DIRAS2: variants seen among roughly 807,000 people sequenced by gnomAD.
DIRAS2 encodes DIRAS family GTPase 2.
DIRAS2 carries 5 observed loss-of-function variants against 13.9 expected under a neutral mutation model. The ratio of observed to expected loss-of-function variants is 0.36; its 90% CI spans 0.19 to 0.76. The LOEUF is 0.76. Among genes scored for constraint, DIRAS2 ranks in the 30% least tolerant of loss-of-function variants. DIRAS2 has a pLI of 0.53. For synonymous variants in DIRAS2, 111 were observed against 105.4 expected (o/e 1.05, Z -0.33); for missense variants, 191 against 263.0 (o/e 0.73, Z 1.89).
chr9:90,610,282 T>C lies in DIRAS2; in HGVS notation c.*2946A>G, dbSNP rs1825098175. On this transcript the variant is annotated 3_prime_UTR_variant, in exon 2 of 2. Transcript: ENST00000375765. ...TGAAACAAATATACTAGCTTACAGA[T>C]ATGTACAATTTATGACTTTATACTT... The C allele has an allele frequency of 5.0e-6, 2 of 396,598 alleles. No individual in the cohort carries two copies. The highest frequency in any genetic ancestry group is 4.4e-5 in the Admixed American group (1 of 22,698). The allele number at this position is 396,598 out of a possible 1,614,324, so 24.6% of individuals were successfully genotyped here.
chr9:90,637,776 G>A (rs1825384106), intron 1 of DIRAS2, among the ~76,000 whole-genome samples: 1 of 152,180 alleles, frequency 6.6e-6, no homozygotes. Flanking sequence ...CTCTCCGGCT[G>A]TGCTTGAAAG....
chr9:90,620,541 G>A (rs1825210391), intron 1 of DIRAS2, among the ~76,000 whole-genome samples: 1 of 152,134 alleles, frequency 6.6e-6, no homozygotes, highest in South Asian at 2.1e-4. Flanking sequence ...TGGATCACTT[G>A]AGACCAGCAG....
At chr9:90,635,694 G>A (rs1021106594) in intron 1 of DIRAS2, among the ~76,000 whole-genome samples, 9 of 152,274 alleles carry the variant, frequency 5.9e-5, no homozygotes, top group African/African-American at 2.2e-4. Context: ...AGCCTGATCA[G>A]AGAAGGCCCA....
intron 1 of DIRAS2, among the ~76,000 whole-genome samples, chr9:90,621,004 T>C (rs1825214858): frequency 6.6e-6 from 1 of 152,216 alleles, no homozygotes; most frequent in South Asian, 2.1e-4. Context: ...AGGATACATT[T>C]TCAGATCCCA....
At chr9:90,636,024 A>ATT (rs1313587233) in intron 1 of DIRAS2, among the ~76,000 whole-genome samples, 5 of 89,508 alleles carry the variant, frequency 5.6e-5, no homozygotes, top group South Asian at 4.1e-4. Context: ...ACAACTGAAT[A>ATT]TTCTTTTTTT....
At chr9:90,639,416 A>C (rs949037227) in intron 1 of DIRAS2, among the ~76,000 whole-genome samples, 1 of 152,240 alleles carries the variant, frequency 6.6e-6, no homozygotes, top group Non-Finnish European at 1.5e-5. Flanking sequence ...AATATATTTT[A>C]TTGCATAGTA....
intron 1 of DIRAS2, among the ~76,000 whole-genome samples, chr9:90,628,948 G>A (rs1421678216): frequency 3.3e-5 from 5 of 151,972 alleles, no homozygotes; most frequent in Non-Finnish European, 7.4e-5. Context: ...TCCGCCTCCC[G>A]GGTTCACGCC....
chr9:90,610,254 C>T lies in DIRAS2; in HGVS notation c.*2974G>A, dbSNP rs1473147725. 1 of 393,528 alleles carries T rather than the reference C, an allele frequency of 2.5e-6. No individual in the cohort carries two copies. Among genetic ancestry groups the T allele is most frequent in the African/African-American group, 2.1e-5 (1 of 48,526 alleles). 24.4% of individuals were successfully genotyped at this position (393,528 alleles called of 1,614,324 possible). The stretch of plus-strand genomic sequence containing the variant: ...ATGAGCATTTCTTAAATATTACAAA[C>T]AGTGAAACAAATATACTAGCTTACA... On this transcript the variant is annotated 3_prime_UTR_variant, in exon 2 of 2. Coordinates refer to ENST00000375765, the MANE Select transcript of DIRAS2 (RefSeq NM_017594.5).
intron 1 of DIRAS2, among the ~76,000 whole-genome samples, chr9:90,628,321 C>G (rs1178415120): frequency 6.6e-6 from 1 of 152,144 alleles, no homozygotes; most frequent in African/African-American, 2.4e-5. Context: ...TTTTTAACCT[C>G]ATTCATAAAT....
chr9:90,611,869 C>T lies in DIRAS2; in HGVS notation c.*1359G>A, dbSNP rs1825117289. ...GTGGGAGTTTTCAGGAAGCCAAGTCCAACCAGGCTCTACGATGGCAGAGCA... is the reference window on the plus strand; with the variant it reads ...GTGGGAGTTTTCAGGAAGCCAAGTCTAACCAGGCTCTACGATGGCAGAGCA... On this transcript the variant is annotated 3_prime_UTR_variant, in exon 2 of 2. Coordinates refer to ENST00000375765, the MANE Select transcript of DIRAS2 (RefSeq NM_017594.5). 2 of 152,338 alleles carry T rather than the reference C, an allele frequency of 1.3e-5. No individual in the cohort carries two copies. Among genetic ancestry groups the T allele is most frequent in the Non-Finnish European group, 2.9e-5 (2 of 68,058 alleles). 9.4% of individuals were successfully genotyped at this position (152,338 alleles called of 1,614,324 possible). A position where few individuals can be genotyped will look rare whatever the true frequency, so the allele number is the denominator to read the frequency against.
intron 1 of DIRAS2, among the ~76,000 whole-genome samples, chr9:90,637,464 G>T (rs2118586777): frequency 6.6e-6 from 1 of 152,266 alleles, no homozygotes; most frequent in Middle Eastern, 3.4e-3. Flanking sequence ...GGTAGAGATG[G>T]CCTGTTGCTG....
At chr9:90,639,372 A>G (rs1825398446) in intron 1 of DIRAS2, among the ~76,000 whole-genome samples, 1 of 152,262 alleles carries the variant, frequency 6.6e-6, no homozygotes, top group Admixed American at 6.5e-5. Context: ...GAAAATACTC[A>G]TACCAGTAAA....
chr9:90,621,637 A>G (rs182692486), intron 1 of DIRAS2, among the ~76,000 whole-genome samples: 159 of 152,328 alleles, frequency 1.0e-3, no homozygotes, highest in African/African-American at 3.7e-3. Context: ...AGTCCCCTTC[A>G]TTCAGGAGCC....
In DIRAS2 at chr9:90,613,531, G is replaced by A. The variant is rs761596453; in HGVS notation, c.297C>T (p.Pro99=). The A allele has an allele frequency of 4.3e-6, 7 of 1,614,130 alleles. No homozygotes were observed. Among genetic ancestry groups the A allele is most frequent in the Non-Finnish European group, 5.9e-6 (7 of 1,180,034 alleles). ...TGATCTCGCAGATTTGTTCGTAGATGGGCTTGAGCTCCTCCAAGGACTGTC... is the reference window on the plus strand; with the variant it reads ...TGATCTCGCAGATTTGTTCGTAGATAGGCTTGAGCTCCTCCAAGGACTGTC... ...TSRQSLEELK[P]IYEQICEIKG... The change falls in exon 2 of 2, where the codon CCC becomes CCT. Residue 99 remains proline (P), a synonymous_variant. Transcript: ENST00000375765. This position sits in a 1 kb window ranked among gnomAD's most constrained non-coding sequence, Gnocchi z 5.6.
At chr9:90,639,855 A>G (rs1825402875) in intron 1 of DIRAS2, among the ~76,000 whole-genome samples, 1 of 152,202 alleles carries the variant, frequency 6.6e-6, no homozygotes, top group African/African-American at 2.4e-5. Flanking sequence ...GCAATCTGAG[A>G]TCATTTGTAT....
intron 1 of DIRAS2, among the ~76,000 whole-genome samples, chr9:90,617,341 C>G (rs1311873219): frequency 1.3e-5 from 2 of 152,120 alleles, no homozygotes; most frequent in Non-Finnish European, 2.9e-5. Context: ...GCAGAGAGGA[C>G]TCATCTAGTG....
intron 1 of DIRAS2, among the ~76,000 whole-genome samples, chr9:90,639,628 G>C (rs1230105085): frequency 6.6e-6 from 1 of 152,232 alleles, no homozygotes; most frequent in Non-Finnish European, 1.5e-5. Context: ...GCAAAATGAT[G>C]ATGCCCATCA....
intron 1 of DIRAS2, among the ~76,000 whole-genome samples, chr9:90,636,316 G>A (rs1258497354): frequency 1.3e-5 from 2 of 152,054 alleles, no homozygotes; most frequent in Non-Finnish European, 2.9e-5. Flanking sequence ...GGGATTATAG[G>A]CGTGAGCTAC....
chr9:90,613,488 T>G lies in DIRAS2; in HGVS notation c.340A>C (p.Ile114Leu). The change falls in exon 2 of 2, where the codon ATC becomes CTC. Residue 114 changes from isoleucine (I) to leucine (L), a missense_variant. Coordinates refer to ENST00000375765, the MANE Select transcript of DIRAS2 (RefSeq NM_017594.5). This position sits in a 1 kb window ranked among gnomAD's most constrained non-coding sequence, Gnocchi z 5.6. The stretch of plus-strand genomic sequence containing the variant: ...TTGTTCCCCACCAGCATGATGGGGA[T>G]GCTCTCCACGTCCCCTTTGATCTCG... ...ICEIKGDVES[I>L]PIMLVGNKCD... 1 of 1,614,084 alleles carries G rather than the reference T, an allele frequency of 6.2e-7. No individual in the cohort carries two copies. Among genetic ancestry groups the G allele is most frequent in the East Asian group, 2.2e-5 (1 of 44,852 alleles).
Sources: gnomAD v4.1 joint callset for allele counts (sites outside exome capture counted in the v4.1 genomes callset) on GRCh38, gnomAD v4.1.1 for gene constraint, Gnocchi (gnomAD v3.1) non-coding constraint, MANE v1.5 for transcripts, NCBI Gene and HGNC (gene_info 2026-07-23, HGNC 2026-07-21) for gene names.